Variants in PITPNM3 observed in about 807,000 individuals in gnomAD.
PITPNM3 encodes the protein membrane-associated phosphatidylinositol transfer protein 3.
PITPNM3 carries 26 observed loss-of-function variants against 102.0 expected under a neutral mutation model. That is an observed-to-expected ratio of 0.25 (90% CI 0.19 to 0.35). PITPNM3 has a LOEUF of 0.35. PITPNM3 is among the 10% of genes least tolerant of loss of function. PITPNM3 has a pLI of 1.00. For synonymous variants in PITPNM3, 578 were observed against 558.6 expected, an observed-to-expected ratio of 1.03 and a Z score of -0.49; for missense variants, 1,083 against 1,346.1, an observed-to-expected ratio of 0.80 and a Z score of 3.06.
At chr17:6,500,645 A>G (rs1907112592) in intron 4 of PITPNM3, among the ~76,000 whole-genome samples, 1 of 151,968 alleles carries the variant, frequency 6.6e-6, no homozygotes, top group South Asian at 2.1e-4. Context: ...ATTCATCTGC[A>G]CATACGCTGT....
At chr17:6,515,830 G>T (rs1908132405) in intron 3 of PITPNM3, among the ~76,000 whole-genome samples, 1 of 152,088 alleles carries the variant, frequency 6.6e-6, no homozygotes, top group Non-Finnish European at 1.5e-5. Flanking sequence ...CTAATCAAAA[G>T]AATCAATCAG....
In PITPNM3 at chr17:6,478,249, T is replaced by C; in HGVS notation, c.778-152A>G. The C allele has an allele frequency of 1.3e-5, 18 of 1,369,066 alleles. No individual in the cohort carries two copies. Among genetic ancestry groups the C allele is most frequent in the Non-Finnish European group, 1.7e-5 (17 of 1,006,350 alleles). 84.8% of individuals were successfully genotyped at this position (1,369,066 alleles called of 1,614,324 possible). On this transcript the variant is annotated intron_variant, in intron 7 of 19. Transcript: ENST00000262483. The surrounding 1 kb of genome is among the most constrained non-coding windows in gnomAD (Gnocchi z 4.4). ...CCCAACTGGGAAGCAGTGTGCAAAC[T>C]GGGGAGGGTCAGGGTTGGCGTTGGC...
At chr17:6,461,304 A>C in intron 18 of PITPNM3, 69 bp downstream of exon 18, 1 of 1,538,986 alleles carries the variant, frequency 6.5e-7, no homozygotes, top group Non-Finnish European at 9.0e-7. Context: ...GAGGAGGGAG[A>C]TGGGGAGCGG....
At chr17:6,461,216 C>T (rs753995237) in intron 18 of PITPNM3, among the ~76,000 whole-genome samples, 157 bp downstream of exon 18, 1 of 152,230 alleles carries the variant, frequency 6.6e-6, no homozygotes, top group Non-Finnish European at 1.5e-5. Context: ...AATAACCTAC[C>T]TCACAGGGCT....
rs574228077 is a variant in PITPNM3 at position 6,533,432 on chromosome 17, G to T, written c.118+4555C>A. On this transcript the variant is annotated intron_variant, in intron 2 of 19. Coordinates refer to ENST00000262483, the MANE Select transcript of PITPNM3 (RefSeq NM_031220.4). ...TTTGGTGCAGCATTTATTCCTTTGT[G>T]TTATTTTGTTTATGGTGTTTTGTTG... Among the ~76,000 whole-genome samples, 166 of 152,156 alleles carry T rather than the reference G, an allele frequency of 1.1e-3. 1 individual carries two copies. Among genetic ancestry groups the T allele is most frequent in the African/African-American group, 3.4e-3 (141 of 41,526 alleles).
chr17:6,492,474 A>C (rs528404888), intron 4 of PITPNM3, among the ~76,000 whole-genome samples: 1 of 152,328 alleles, frequency 6.6e-6, no homozygotes, highest in East Asian at 1.9e-4. Flanking sequence ...CAGGCTAATG[A>C]GGGAGTATAA....
Position 6,503,580 on chromosome 17 carries a change from G to A in PITPNM3, c.227-6C>T. On this transcript the variant is annotated splice_region_variant and splice_polypyrimidine_tract_variant and intron_variant, in intron 3 of 19. Coordinates refer to ENST00000262483, the MANE Select transcript of PITPNM3 (RefSeq NM_031220.4). The stretch of plus-strand genomic sequence containing the variant: ...GCACGGCGCGGTCCCTTCTCCTGCA[G>A]AAAAAGAAAAGAAACATGAGCAGAT... 6.2e-7 allele frequency: 1 copy of A among 1,608,608 alleles called. No homozygotes were observed. Among genetic ancestry groups the A allele is most frequent in the South Asian group, 1.1e-5 (1 of 91,062 alleles).
At position 6,483,575 on chromosome 17, in the gene PITPNM3, G is replaced by A. The variant is rs1351700941; in HGVS notation, c.529C>T (p.Leu177Phe). The A allele has an allele frequency of 1.9e-6, 3 of 1,614,082 alleles. No homozygotes were observed. Among genetic ancestry groups the A allele is most frequent in the Middle Eastern group, 1.6e-4 (1 of 6,062 alleles). ...AHFPAALGHI[L>F]IKFVPCPAIC... ...GCAGGACAGGGGACGAACTTGATGAGGATGTGGCCCAGGGCAGCAGGGAAA... is the reference window on the plus strand; with the variant it reads ...GCAGGACAGGGGACGAACTTGATGAAGATGTGGCCCAGGGCAGCAGGGAAA... Residue 177 changes from leucine to phenylalanine, a missense_variant, in exon 6 of 20, where the codon CTC becomes TTC. This residue lies in a region of PITPNM3 where 290 missense variants were observed against 337.8 expected (regional missense o/e 0.86). Coordinates refer to ENST00000262483, the MANE Select transcript of PITPNM3 (RefSeq NM_031220.4).
chr17:6,474,411 C>T (rs764191227), intron 10 of PITPNM3, 21 bp downstream of exon 10: 2 of 1,612,090 alleles, frequency 1.2e-6, no homozygotes, highest in Admixed American at 1.7e-5. Context: ...CACCTCAGGC[C>T]CCAGCCCACA....
At chr17:6,532,166 C>T (rs1228380378) in intron 2 of PITPNM3, among the ~76,000 whole-genome samples, 2 of 151,920 alleles carry the variant, frequency 1.3e-5, no homozygotes, top group Non-Finnish European at 2.9e-5. Flanking sequence ...CTGGCTGTTC[C>T]CACTGTCTAG....
intron 4 of PITPNM3, among the ~76,000 whole-genome samples, chr17:6,497,237 G>A (rs1430114744): frequency 2.0e-5 from 3 of 152,154 alleles, no homozygotes; most frequent in Non-Finnish European, 4.4e-5. Context: ...GTCTTCCTGG[G>A]GAGGCCAGGG....
rs1340678998 is a variant in PITPNM3, at chr17:6,537,473, T to C, written c.118+514A>G. On this transcript the variant is annotated intron_variant, in intron 2 of 19. Coordinates refer to ENST00000262483, the MANE Select transcript of PITPNM3 (RefSeq NM_031220.4). The surrounding 1 kb of genome is among the most constrained non-coding windows in gnomAD (Gnocchi z 4.4). ...CACCTGTTAAAGGGAACACATCTGT[T>C]AAGGGAATACACATGTTGGCCAGGC... 1.3e-5 allele frequency among the ~76,000 whole-genome samples: 2 copies of C among 152,116 alleles called. No individual in the cohort carries two copies. Among genetic ancestry groups the C allele is most frequent in the African/African-American group, 4.8e-5 (2 of 41,432 alleles).
rs1226206832 is a variant in PITPNM3, at chr17:6,517,842, G to T, written c.226+7514C>A. 1.3e-5 allele frequency among the ~76,000 whole-genome samples: 2 copies of T among 152,170 alleles called. No individual in the cohort carries two copies. The highest frequency in any genetic ancestry group is 2.4e-5 in the African/African-American group (1 of 41,442). ...CCCAAAGTATTGGGATTACAGGCATGAGCCACTGTACCTGGCCAAAAATAC... is the reference window on the plus strand; with the variant it reads ...CCCAAAGTATTGGGATTACAGGCATTAGCCACTGTACCTGGCCAAAAATAC... On this transcript the variant is annotated intron_variant, in intron 3 of 19. Transcript: ENST00000262483. This position sits in a 1 kb window ranked among gnomAD's most constrained non-coding sequence, Gnocchi z 4.1.
intron 3 of PITPNM3, among the ~76,000 whole-genome samples, chr17:6,524,587 C>T (rs1908720780): frequency 6.6e-6 from 1 of 152,112 alleles, no homozygotes; most frequent in Admixed American, 6.5e-5. Context: ...TGTCAGGAGC[C>T]CTTCCTGGAT....
rs917552656 is a variant in PITPNM3, at chr17:6,500,515, G to A, written c.274+3012C>T. Among the ~76,000 whole-genome samples the A allele has an allele frequency of 7.9e-5, 12 of 152,140 alleles. No individual in the cohort carries two copies. The South Asian group carries it at 1.9e-3, about 24-fold the overall frequency. ...TGAAAAGGAGTCCTCTCAATTGAAT[G>A]CACTCAACATTATGGAAAAATACAT... On this transcript the variant is annotated intron_variant, in intron 4 of 19. Transcript: ENST00000262483.
chr17:6,525,515 G>T, intron 2 of PITPNM3, 52 bp from the exon 3 acceptor site: 5 of 1,335,654 alleles, frequency 3.7e-6, no homozygotes, highest in Non-Finnish European at 5.4e-6. Context: ...GGGATAGGTA[G>T]CCCTATCAGG....
intron 8 of PITPNM3, 30 bp downstream of exon 8, chr17:6,477,945 C>A: frequency 6.2e-7 from 1 of 1,608,938 alleles, no homozygotes; most frequent in Non-Finnish European, 8.5e-7. Flanking sequence ...ATGGGCATAC[C>A]CCTCCCGCGG....
rs1240828842 is a variant in PITPNM3 at position 6,455,521 on chromosome 17, T to C, written c.2742A>G (p.Pro914=). The C allele has an allele frequency of 3.1e-6, 5 of 1,605,322 alleles. No homozygotes were observed. The highest frequency in any genetic ancestry group is 4.2e-6 in the Non-Finnish European group (5 of 1,179,504). ...GGTGGTTGCGCTTCCGCAGGAACTC[T>C]GGCTGCGCGTGCAGCCCGAAGCTGC... ...RKGSFGLHAQ[P]EFLRKRNHLR... Residue 914 remains proline (P), a synonymous_variant, in exon 20 of 20, where the codon CCA becomes CCG. Transcript: ENST00000262483.
At chr17:6,555,765 G>C (rs1194357131) in intron 1 of PITPNM3, among the ~76,000 whole-genome samples, 1 of 152,246 alleles carries the variant, frequency 6.6e-6, no homozygotes, top group East Asian at 1.9e-4. Context: ...TACACCGTCT[G>C]AGCCTGGGGG....
Sources: gnomAD v4.1 joint callset for allele counts (sites outside exome capture counted in the v4.1 genomes callset) on GRCh38, gnomAD v4.1.1 for gene constraint, gnomAD v4.1.1 regional missense constraint, Gnocchi (gnomAD v3.1) non-coding constraint, MANE v1.5 for transcripts, NCBI Gene and HGNC (gene_info 2026-07-23, HGNC 2026-07-21) for gene names.